Variants in MAP3K5 observed in about 807,000 individuals in gnomAD.
The protein encoded by MAP3K5 is mitogen-activated protein kinase kinase kinase 5.
In MAP3K5, 56 loss-of-function variants were observed where a neutral mutation model predicts 158.7. That is an observed-to-expected ratio of 0.35 (90% confidence interval 0.28 to 0.44). The LOEUF (loss-of-function observed/expected upper bound fraction) is 0.44, where lower values mean the gene tolerates loss of function less well. MAP3K5 is among the 20% of genes least tolerant of loss of function. The pLI is 1.00. For synonymous variants in MAP3K5, 579 were observed against 601.7 expected (o/e 0.96, Z 0.55); for missense variants, 1,294 against 1,674.8 (o/e 0.77, Z 3.97).
At chr6:136,789,675 CTTTTT>C (rs57162918) in intron 1 of MAP3K5, among the ~76,000 whole-genome samples, 7 of 78,774 alleles carry the variant, frequency 8.9e-5, no homozygotes, top group East Asian at 3.8e-4. Flanking sequence ...AGCACAACCT[CTTTTT>C]TTTTTTTTTT....
intron 2 of MAP3K5, among the ~76,000 whole-genome samples, chr6:136,715,545 T>A (rs1247242713): frequency 6.6e-6 from 1 of 152,194 alleles, no homozygotes; most frequent in Non-Finnish European, 1.5e-5. Flanking sequence ...TATAATTCCA[T>A]GCACATGTCT....
chr6:136,702,373 T>C (rs1396585997), intron 3 of MAP3K5, among the ~76,000 whole-genome samples: 1 of 152,206 alleles, frequency 6.6e-6, no homozygotes. Context: ...ACTAATAGCA[T>C]GGGAACATTT....
chr6:136,715,704 ATTTGT>A (rs1201161168), intron 2 of MAP3K5, among the ~76,000 whole-genome samples: 1 of 152,114 alleles, frequency 6.6e-6, no homozygotes, highest in South Asian at 2.1e-4. Context: ...GCACTAACTG[ATTTGT>A]TTTAAGTGCT....
intron 2 of MAP3K5, among the ~76,000 whole-genome samples, chr6:136,709,228 C>T (rs573834748): frequency 5.3e-5 from 8 of 152,086 alleles, no homozygotes; most frequent in East Asian, 1.9e-4. Context: ...TGACATACAG[C>T]GGGTACTACA....
chr6:136,783,804 T>C (rs1374488610), intron 1 of MAP3K5, among the ~76,000 whole-genome samples: 1 of 151,958 alleles, frequency 6.6e-6, no homozygotes, highest in Non-Finnish European at 1.5e-5. Flanking sequence ...TGGCTTGGAG[T>C]GGTGTTTGAA....
chr6:136,604,363 A>G (rs1451695905), intron 19 of MAP3K5, among the ~76,000 whole-genome samples: 1 of 152,070 alleles, frequency 6.6e-6, no homozygotes, highest in African/African-American at 2.4e-5. Context: ...AAAAGAAAAA[A>G]AAAGAAAAGA....
intron 7 of MAP3K5, among the ~76,000 whole-genome samples, chr6:136,680,790 C>A (rs1203505642): frequency 1.3e-5 from 2 of 152,126 alleles, no homozygotes; most frequent in Non-Finnish European, 2.9e-5. Context: ...CTTACTCTTG[C>A]AATAACTGCC....
chr6:136,596,557 G>A (rs1036704701), intron 21 of MAP3K5, among the ~76,000 whole-genome samples: 4 of 152,144 alleles, frequency 2.6e-5, no homozygotes, highest in African/African-American at 9.7e-5. Context: ...ACGGGTTTAG[G>A]ACAAAAGACA....
intron 29 of MAP3K5, 69 bp from the exon 30 acceptor site, chr6:136,557,887 G>C: frequency 9.7e-7 from 1 of 1,032,262 alleles, no homozygotes; most frequent in South Asian, 1.3e-5. Flanking sequence ...AAATAGAAAA[G>C]TGACTTCTTA....
chr6:136,686,731 T>C (rs1281363234), intron 7 of MAP3K5, among the ~76,000 whole-genome samples: 1 of 152,088 alleles, frequency 6.6e-6, no homozygotes, highest in African/African-American at 2.4e-5. Context: ...GTGAAGGACC[T>C]CTTCAAGGAG....
At chr6:136,769,377 G>T (rs1250744913) in intron 1 of MAP3K5, among the ~76,000 whole-genome samples, 1 of 152,086 alleles carries the variant, frequency 6.6e-6, no homozygotes, top group Non-Finnish European at 1.5e-5. Context: ...CAGCAAATTG[G>T]TACAGGGTTT....
chr6:136,723,860 G>A (rs1457001285), intron 1 of MAP3K5, among the ~76,000 whole-genome samples: 2 of 152,160 alleles, frequency 1.3e-5, no homozygotes, highest in Non-Finnish European at 2.9e-5. Context: ...AATGACTTAA[G>A]GGCTCTTTAA....
intron 1 of MAP3K5, among the ~76,000 whole-genome samples, chr6:136,784,089 G>C (rs778320458): frequency 6.6e-6 from 1 of 152,172 alleles, no homozygotes; most frequent in Non-Finnish European, 1.5e-5. Context: ...CAAGGCCACG[G>C]GTGAGACAAG....
intron 2 of MAP3K5, among the ~76,000 whole-genome samples, 164 bp from the exon 3 acceptor site, chr6:136,705,297 T>C (rs1781025036): frequency 6.6e-6 from 1 of 152,166 alleles, no homozygotes; most frequent in African/African-American, 2.4e-5. Context: ...TTTCTATCTA[T>C]CTACCTACTT....
At chr6:136,726,755 A>T (rs1287942254) in intron 1 of MAP3K5, among the ~76,000 whole-genome samples, 1 of 152,230 alleles carries the variant, frequency 6.6e-6, no homozygotes, top group Non-Finnish European at 1.5e-5. Context: ...GTTTTTAAAA[A>T]TTTCAAATCA....
intron 14 of MAP3K5, among the ~76,000 whole-genome samples, chr6:136,627,917 T>A (rs1306155067): frequency 6.6e-6 from 1 of 152,222 alleles, no homozygotes; most frequent in Non-Finnish European, 1.5e-5. Context: ...TGGGACTTCA[T>A]CCTTAATTAC....
At chr6:136,786,354 G>A (rs1784842633) in intron 1 of MAP3K5, among the ~76,000 whole-genome samples, 1 of 146,104 alleles carries the variant, frequency 6.8e-6, no homozygotes, top group African/African-American at 2.6e-5. Flanking sequence ...ACTCCAGCCT[G>A]CGTGACAAGA....
chr6:136,658,305 CTTTCTTTCTT>C (rs757903082), intron 9 of MAP3K5, among the ~76,000 whole-genome samples: 4 of 112,236 alleles, frequency 3.6e-5, no homozygotes, highest in Admixed American at 1.0e-4. Flanking sequence ...TTCTTTCTTT[CTTTCTTTCTT>C]TTTTTTTTTT....
intron 25 of MAP3K5, among the ~76,000 whole-genome samples, chr6:136,575,696 G>A (rs140693585): frequency 9.9e-4 from 151 of 152,280 alleles, no homozygotes; most frequent in African/African-American, 3.5e-3. Context: ...ACGTCTTCTT[G>A]TGATTAGGTT....
Sources: gnomAD v4.1 joint callset for allele counts (sites outside exome capture counted in the v4.1 genomes callset) on GRCh38, gnomAD v4.1.1 for gene constraint, MANE v1.5 for transcripts, NCBI Gene and HGNC (gene_info 2026-07-23, HGNC 2026-07-21) for gene names.